GALNT13: variants seen among roughly 807,000 people sequenced by gnomAD.
The protein encoded by GALNT13 is UDP-GalNAc:polypeptide N-acetylgalactosaminyltransferase 13.
GALNT13 carries 28 observed loss-of-function variants against 64.2 expected under a neutral mutation model. That is an observed-to-expected ratio of 0.44 (90% confidence interval 0.32 to 0.60). The LOEUF (loss-of-function observed/expected upper bound fraction) is 0.60, where lower values mean the gene tolerates loss of function less well. Among genes scored for constraint, GALNT13 ranks in the 20% least tolerant of loss-of-function variants. The pLI is 0.05. For missense variants in GALNT13, 577 were observed against 669.8 expected, an observed-to-expected ratio of 0.86 and a Z score of 1.53; for synonymous variants, 214 against 224.6, an observed-to-expected ratio of 0.95 and a Z score of 0.42.
the GALNT13 span, among the ~76,000 whole-genome samples, chr2:153,310,270 T>C: frequency 6.6e-6 from 1 of 152,382 alleles, no homozygotes; most frequent in South Asian, 2.1e-4. Flanking sequence ...TATCTGTTAA[T>C]GTAGTAAATT....
chr2:154,451,764 A>C lies in GALNT13; in HGVS notation c.*1213A>C, dbSNP rs1701879703. On this transcript the variant is annotated 3_prime_UTR_variant, in exon 13 of 13. Transcript: ENST00000392825. ...GAGGCCATGAAAGTGAAAAAAAATC[A>C]GATTTTTGCTAGTAAGTTTTTATAT... is the stretch of plus-strand genomic sequence containing the variant. 1 of 152,128 alleles carries C rather than the reference A, an allele frequency of 6.6e-6. No individual in the cohort carries two copies. Among genetic ancestry groups the C allele is most frequent in the African/African-American group, 2.4e-5 (1 of 41,442 alleles). 9.4% of individuals were successfully genotyped at this position (152,128 alleles called of 1,614,324 possible). A position where few individuals can be genotyped will look rare whatever the true frequency, so the allele number is the denominator to read the frequency against.
chr2:153,746,245 A>G, the GALNT13 span, among the ~76,000 whole-genome samples: 1 of 152,170 alleles, frequency 6.6e-6, no homozygotes. Context: ...TTAAAAACAA[A>G]AATACCAAAT....
At chr2:153,582,341 C>A in the GALNT13 span, among the ~76,000 whole-genome samples, 1 of 151,430 alleles carries the variant, frequency 6.6e-6, no homozygotes, top group Non-Finnish European at 1.5e-5. Context: ...ATTTTTTTTT[C>A]CATGTAAAAA....
At chr2:154,050,662 T>A (rs566944545) in intron 3 of GALNT13, among the ~76,000 whole-genome samples, 12 of 152,170 alleles carry the variant, frequency 7.9e-5, no homozygotes, top group Non-Finnish European at 1.5e-4. Context: ...TATTTAAGTA[T>A]CAGATGTTGT....
rs190697561 is a variant in GALNT13, at chr2:154,148,830, C to A, written c.311+8325C>A. Reference sequence around the variant, plus strand: ...TCATTGTAGATTGTGGATATTAGCCCTTTGTCAGATGAGTAGGTTGTGAAA... The same window carrying A: ...TCATTGTAGATTGTGGATATTAGCCATTTGTCAGATGAGTAGGTTGTGAAA... On this transcript the variant is annotated intron_variant, in intron 4 of 12. Transcript: ENST00000392825. 0.056 allele frequency among the ~76,000 whole-genome samples: 8,573 copies of A among 152,050 alleles called. 1,148 individuals are homozygous for A. The East Asian group carries it at 0.61, about 11-fold the overall frequency.
intron 3 of GALNT13, among the ~76,000 whole-genome samples, chr2:154,048,092 G>T (rs1374797823): frequency 2.0e-5 from 3 of 152,184 alleles, no homozygotes; most frequent in Admixed American, 6.5e-5. Flanking sequence ...TTTTAACCAT[G>T]GCAGAAGGCG....
chr2:153,354,710 G>T, the GALNT13 span, among the ~76,000 whole-genome samples: 1 of 152,058 alleles, frequency 6.6e-6, no homozygotes. Flanking sequence ...AGCATTTTTT[G>T]GTCCAGTCCC....
At chr2:153,119,924 T>C in the GALNT13 span, among the ~76,000 whole-genome samples, 1 of 152,196 alleles carries the variant, frequency 6.6e-6, no homozygotes, top group Non-Finnish European at 1.5e-5. Flanking sequence ...CTTTAAAATA[T>C]TGCCTTTATA....
the GALNT13 span, among the ~76,000 whole-genome samples, chr2:153,398,482 C>G: frequency 6.6e-6 from 1 of 151,650 alleles, no homozygotes; most frequent in Non-Finnish European, 1.5e-5. Context: ...GTTCTAGATC[C>G]CTGAGGAATC....
intron 8 of GALNT13, among the ~76,000 whole-genome samples, chr2:154,289,875 ACAGCCTGAAG>A (rs1313911565): frequency 6.6e-6 from 1 of 152,196 alleles, no homozygotes; most frequent in Non-Finnish European, 1.5e-5. Flanking sequence ...CACCAAGGAG[ACAGCCTGAAG>A]CAGCTGCCTC....
At chr2:153,524,518 G>A in the GALNT13 span, among the ~76,000 whole-genome samples, 1 of 152,106 alleles carries the variant, frequency 6.6e-6, no homozygotes, top group African/African-American at 2.4e-5. Flanking sequence ...TAGAAAAAAA[G>A]TCTTCAATTG....
At chr2:154,151,027 G>A (rs1346405077) in intron 4 of GALNT13, among the ~76,000 whole-genome samples, 1 of 152,114 alleles carries the variant, frequency 6.6e-6, no homozygotes, top group Non-Finnish European at 1.5e-5. Context: ...ATGTTAGGGG[G>A]TCAATTTTGG....
At chr2:153,450,579 T>TTC in the GALNT13 span, among the ~76,000 whole-genome samples, 1,295 of 150,132 alleles carry the variant, frequency 8.6e-3, 13 homozygotes, top group African/African-American at 0.03. Context: ...AGGTTTGAAT[T>TTC]TTTTTTTTTT....
the GALNT13 span, among the ~76,000 whole-genome samples, chr2:153,609,911 C>T: frequency 6.6e-6 from 1 of 152,226 alleles, no homozygotes; most frequent in Non-Finnish European, 1.5e-5. Context: ...CAGCAAATGA[C>T]ATCCTGAGCT....
the GALNT13 span, among the ~76,000 whole-genome samples, chr2:153,083,434 T>C: frequency 6.6e-6 from 1 of 152,216 alleles, no homozygotes; most frequent in Non-Finnish European, 1.5e-5. Context: ...ATGGCTATTC[T>C]TGCAGGAGTA....
the GALNT13 span, among the ~76,000 whole-genome samples, chr2:153,123,643 C>T: frequency 6.6e-6 from 1 of 152,170 alleles, no homozygotes; most frequent in African/African-American, 2.4e-5. Flanking sequence ...TCTTTGGAAG[C>T]AAGCTAACTA....
chr2:154,038,508 G>A (rs746768517), intron 3 of GALNT13, among the ~76,000 whole-genome samples: 46 of 152,184 alleles, frequency 3.0e-4, no homozygotes, highest in Non-Finnish European at 6.5e-4. Context: ...AAGAATGTGC[G>A]CTGGGGAATG....
At chr2:153,133,112 G>A in the GALNT13 span, among the ~76,000 whole-genome samples, 1 of 149,288 alleles carries the variant, frequency 6.7e-6, no homozygotes, top group Admixed American at 6.7e-5. Context: ...CTGAAGGATT[G>A]GAGTAAATCC....
chr2:154,161,770 C>G (rs1243453225), intron 4 of GALNT13, among the ~76,000 whole-genome samples: 1 of 150,584 alleles, frequency 6.6e-6, no homozygotes, highest in Non-Finnish European at 1.5e-5. Context: ...AGCAACATAA[C>G]AAAATCAAGT....
Sources: gnomAD v4.1 joint callset for allele counts (sites outside exome capture counted in the v4.1 genomes callset) on GRCh38, gnomAD v4.1.1 for gene constraint, MANE v1.5 for transcripts, NCBI Gene and HGNC (gene_info 2026-07-23, HGNC 2026-07-21) for gene names.